DLG2: variants seen among roughly 807,000 people sequenced by gnomAD.
DLG2 encodes the protein discs large MAGUK scaffold protein 2, also known as disks large homolog 2.
Under a neutral mutation model 132.5 loss-of-function variants are expected in DLG2, and 45 were observed. The ratio of observed to expected loss-of-function variants is 0.34; its 90% confidence interval spans 0.27 to 0.44. The LOEUF is 0.44. DLG2 is among the 20% of genes least tolerant of loss of function. The probability of loss-of-function intolerance (pLI) is 1.00; values close to 1 mark genes in which losing one functional copy is unlikely to be tolerated. For synonymous variants in DLG2, 424 were observed against 419.6 expected (o/e 1.01, Z -0.13); for missense variants, 1,045 against 1,196.9 (o/e 0.87, Z 1.87).
intron 6 of DLG2, among the ~76,000 whole-genome samples, chr11:84,568,614 T>C (rs2099467480): frequency 6.6e-6 from 1 of 152,204 alleles, no homozygotes; most frequent in African/African-American, 2.4e-5. Flanking sequence ...GCCATCTAGA[T>C]GGCTAGTATC....
chr11:84,098,826 G>C, intron 10 of DLG2, 97 bp downstream of exon 10: 1 of 1,412,184 alleles, frequency 7.1e-7, no homozygotes, highest in Non-Finnish European at 9.6e-7. Flanking sequence ...TTCAAGTACA[G>C]AACTTTTGTA....
chr11:83,891,119 C>T (rs1293841277), intron 15 of DLG2, among the ~76,000 whole-genome samples: 1 of 152,064 alleles, frequency 6.6e-6, no homozygotes, highest in African/African-American at 2.4e-5. Flanking sequence ...TAAAAAGGTA[C>T]ATTTTGGAGT....
chr11:84,801,974 C>G (rs558238540), intron 6 of DLG2, among the ~76,000 whole-genome samples: 1 of 152,230 alleles, frequency 6.6e-6, no homozygotes, highest in East Asian at 1.9e-4. Flanking sequence ...TTCTAAAAAA[C>G]TGACCAGTTT....
At chr11:84,107,523 C>T (rs1488919995) in intron 9 of DLG2, among the ~76,000 whole-genome samples, 1 of 151,858 alleles carries the variant, frequency 6.6e-6, no homozygotes, top group African/African-American at 2.4e-5. Context: ...TTGCAATGAG[C>T]GCATATGCAT....
At chr11:84,492,795 G>T (rs1246017548) in intron 7 of DLG2, among the ~76,000 whole-genome samples, 1 of 152,040 alleles carries the variant, frequency 6.6e-6, no homozygotes, top group Non-Finnish European at 1.5e-5. Context: ...ACTTTAGGTT[G>T]AGAAGTACTG....
At chr11:83,863,485 T>C (rs1278064787) in intron 16 of DLG2, among the ~76,000 whole-genome samples, 1 of 152,080 alleles carries the variant, frequency 6.6e-6, no homozygotes, top group Non-Finnish European at 1.5e-5. Flanking sequence ...GGACAATGAA[T>C]GGAGACTTTG....
intron 6 of DLG2, among the ~76,000 whole-genome samples, chr11:85,100,734 C>G (rs866248257): frequency 6.6e-6 from 1 of 152,106 alleles, no homozygotes; most frequent in African/African-American, 2.4e-5. Context: ...ACCACAAACT[C>G]AAGCCAATGC....
At chr11:83,842,113 G>A (rs1472488521) in intron 16 of DLG2, among the ~76,000 whole-genome samples, 3 of 152,084 alleles carry the variant, frequency 2.0e-5, no homozygotes, top group African/African-American at 7.2e-5. Context: ...TAAAACCTTT[G>A]GATGCTGAGC....
At chr11:84,728,684 C>A (rs1436045396) in intron 6 of DLG2, among the ~76,000 whole-genome samples, 1 of 152,090 alleles carries the variant, frequency 6.6e-6, no homozygotes, top group East Asian at 1.9e-4. Context: ...CCTCTTTGTA[C>A]CTCTGGTAGA....
At chr11:84,373,249 C>CAAAAAAAAAAACAAAAAAAAAAAA (rs1459550146) in intron 7 of DLG2, among the ~76,000 whole-genome samples, 2 of 41,664 alleles carry the variant, frequency 4.8e-5, no homozygotes, top group African/African-American at 2.7e-4. Context: ...AAGAAACAGT[C>CAAAAAAAAAAACAAAAAAAAAAAA]AAAAAAAAAA....
At chr11:84,828,137 T>C (rs1329002836) in intron 6 of DLG2, among the ~76,000 whole-genome samples, 1 of 151,612 alleles carries the variant, frequency 6.6e-6, no homozygotes, top group Non-Finnish European at 1.5e-5. Context: ...AGAATAATGG[T>C]GGGCTCCAAA....
intron 12 of DLG2, among the ~76,000 whole-genome samples, chr11:83,966,576 A>C (rs1311420186): frequency 6.6e-6 from 1 of 152,024 alleles, no homozygotes; most frequent in Non-Finnish European, 1.5e-5. Flanking sequence ...TAATTCAGGA[A>C]GTATTTCAAA....
Position 84,967,142 on chromosome 11 carries a change from G to A in DLG2, c.357+144519C>T, listed in dbSNP as rs983644471. Among the ~76,000 whole-genome samples the A allele has an allele frequency of 2.0e-5, 3 of 152,096 alleles. No homozygotes were observed. In the East Asian group the frequency reaches 5.8e-4, roughly 29 times the overall value. On this transcript the variant is annotated intron_variant, in intron 6 of 27. Transcript: ENST00000376104. ...CAACTGCTTGTAATTCCAGCTCAATGTTTTTAAGAAGGCAAGCCATACTTT... is the reference window on the plus strand; with the variant it reads ...CAACTGCTTGTAATTCCAGCTCAATATTTTTAAGAAGGCAAGCCATACTTT...
At chr11:84,842,457 T>G (rs1220952344) in intron 6 of DLG2, among the ~76,000 whole-genome samples, 1 of 151,992 alleles carries the variant, frequency 6.6e-6, no homozygotes. Context: ...CATTCACTAC[T>G]GAGCAGGGTG....
chr11:85,190,225 T>G (rs2080425126), intron 4 of DLG2, among the ~76,000 whole-genome samples: 1 of 152,208 alleles, frequency 6.6e-6, no homozygotes, highest in Non-Finnish European at 1.5e-5. Flanking sequence ...ATTACTGGTA[T>G]AGTTTTCTTA....
intron 18 of DLG2, among the ~76,000 whole-genome samples, chr11:83,774,289 T>C (rs116749191): frequency 0.016 from 2,369 of 152,290 alleles, 66 homozygotes; most frequent in African/African-American, 0.054. Flanking sequence ...CTCCACATAA[T>C]AGCCACATTA....
chr11:85,264,995 C>T (rs2077132507), intron 4 of DLG2, among the ~76,000 whole-genome samples: 1 of 152,206 alleles, frequency 6.6e-6, no homozygotes, highest in African/African-American at 2.4e-5. Context: ...TGCAGAGCTA[C>T]TTGTAGCTCC....
intron 6 of DLG2, chr11:84,923,410 A>C: frequency 9.9e-7 from 1 of 1,010,556 alleles, no homozygotes; most frequent in Middle Eastern, 4.9e-4. Flanking sequence ...TAGCATTTTA[A>C]ATCACTGGAT....
At chr11:84,369,522 C>T (rs1000446513) in intron 7 of DLG2, among the ~76,000 whole-genome samples, 1 of 152,014 alleles carries the variant, frequency 6.6e-6, no homozygotes, top group Admixed American at 6.6e-5. Context: ...TCATACAAAG[C>T]TTTTCTTGGG....
Sources: allele counts gnomAD v4.1 joint callset (sites outside exome capture counted in the v4.1 genomes callset), GRCh38; gene constraint gnomAD v4.1.1; transcripts MANE v1.5; gene names NCBI Gene and HGNC (gene_info 2026-07-23, HGNC 2026-07-21).